CADM2: variants seen among roughly 807,000 people sequenced by gnomAD.
CADM2 encodes the protein cell adhesion molecule 2, also known as immunoglobulin superfamily member 4D.
CADM2 carries 12 observed loss-of-function variants against 49.8 expected under a neutral mutation model. That is an observed-to-expected ratio of 0.24 (90% confidence interval 0.15 to 0.39). The LOEUF is 0.39. Among genes scored for constraint, CADM2 ranks in the 10% least tolerant of loss-of-function variants. The pLI, the probability that CADM2 is intolerant of heterozygous loss-of-function variation, is 1.00. For missense variants in CADM2, 378 were observed against 492.3 expected (o/e 0.77, Z 2.20); for synonymous variants, 214 against 175.4 (o/e 1.22, Z -1.74).
At chr3:85,193,727 A>G (rs2041269217) in intron 1 of CADM2, among the ~76,000 whole-genome samples, 1 of 152,002 alleles carries the variant, frequency 6.6e-6, no homozygotes, top group African/African-American at 2.4e-5. Context: ...TGCAGATTTG[A>G]TCATATTGGG....
In CADM2 at chr3:86,073,122, T is replaced by A. The variant is rs1377127205; in HGVS notation, c.*6339T>A. ...AAAATATTCCCTCAAGAAAGCTCCA[T>A]TTTTATCATAAACATTTCAACATAA... is the stretch of plus-strand genomic sequence containing the variant. On this transcript the variant is annotated 3_prime_UTR_variant, in exon 10 of 10. Transcript: ENST00000383699. 6.6e-6 allele frequency: 1 copy of A among 152,046 alleles called. No homozygotes were observed. Among genetic ancestry groups the A allele is most frequent in the East Asian group, 1.9e-4 (1 of 5,198 alleles). The allele number at this position is 152,046 out of a possible 1,614,324, so 9.4% of individuals were successfully genotyped here. A position where few individuals can be genotyped will look rare whatever the true frequency, so the allele number is the denominator to read the frequency against.
At chr3:85,415,651 T>C (rs970288363) in intron 1 of CADM2, among the ~76,000 whole-genome samples, 1 of 152,160 alleles carries the variant, frequency 6.6e-6, no homozygotes, top group African/African-American at 2.4e-5. Context: ...TTCCTAACAT[T>C]GCACATTTTA....
chr3:85,284,331 A>G (rs989292147), intron 1 of CADM2, among the ~76,000 whole-genome samples: 1 of 152,126 alleles, frequency 6.6e-6, no homozygotes, highest in African/African-American at 2.4e-5. Flanking sequence ...ATTTCCATGG[A>G]TATAGAAAAA....
At chr3:85,073,550 GA>G (rs779250947) in intron 1 of CADM2, among the ~76,000 whole-genome samples, 18 of 152,116 alleles carry the variant, frequency 1.2e-4, no homozygotes, top group Non-Finnish European at 2.5e-4. Flanking sequence ...ATGTCATTCA[GA>G]GAAAAAGACA....
chr3:85,381,160 T>C (rs1158755498), intron 1 of CADM2, among the ~76,000 whole-genome samples: 6 of 151,960 alleles, frequency 3.9e-5, no homozygotes, highest in Non-Finnish European at 1.5e-5. Flanking sequence ...AGAAGTGATA[T>C]AAAGCATGCA....
At chr3:85,799,479 A>T (rs981109448) in intron 2 of CADM2, among the ~76,000 whole-genome samples, 1 of 152,126 alleles carries the variant, frequency 6.6e-6, no homozygotes, top group African/African-American at 2.4e-5. Flanking sequence ...TTTTAGCATG[A>T]AGGGGTGTTG....
At chr3:85,263,531 A>G (rs777058046) in intron 1 of CADM2, among the ~76,000 whole-genome samples, 9 of 152,112 alleles carry the variant, frequency 5.9e-5, no homozygotes, top group Non-Finnish European at 1.0e-4. Flanking sequence ...AGATTTAAAG[A>G]GGTAATTGTA....
chr3:85,371,206 A>G (rs2033203264), intron 1 of CADM2, among the ~76,000 whole-genome samples: 1 of 152,086 alleles, frequency 6.6e-6, no homozygotes, highest in African/African-American at 2.4e-5. Context: ...AAGTCTACAG[A>G]AGCATACCAT....
chr3:85,917,216 G>A (rs1718467686), intron 6 of CADM2, among the ~76,000 whole-genome samples: 1 of 152,010 alleles, frequency 6.6e-6, no homozygotes, highest in Non-Finnish European at 1.5e-5. Flanking sequence ...CATTGCTTTT[G>A]GTGTTTTAGT....
intron 1 of CADM2, among the ~76,000 whole-genome samples, chr3:85,496,338 T>C (rs2039895604): frequency 1.3e-5 from 2 of 152,210 alleles, no homozygotes; most frequent in Non-Finnish European, 2.9e-5. Context: ...GATAATGGCC[T>C]CTTGCTGCAT....
intron 2 of CADM2, among the ~76,000 whole-genome samples, chr3:85,742,619 G>GAAATATAAT (rs2068443249): frequency 6.6e-6 from 1 of 152,148 alleles, no homozygotes; most frequent in African/African-American, 2.4e-5. Flanking sequence ...GAGAAATCAT[G>GAAATATAAT]AAATATAATT....
At chr3:85,505,727 A>T (rs1362035264) in intron 1 of CADM2, among the ~76,000 whole-genome samples, 2 of 152,214 alleles carry the variant, frequency 1.3e-5, no homozygotes, top group Non-Finnish European at 2.9e-5. Flanking sequence ...CAGGAGTATC[A>T]TAAAGACAAG....
intron 1 of CADM2, among the ~76,000 whole-genome samples, chr3:85,242,853 A>G (rs936249067): frequency 1.3e-5 from 2 of 151,830 alleles, no homozygotes; most frequent in African/African-American, 4.8e-5. Context: ...TGGAATTTAT[A>G]ATTACAACTC....
chr3:85,934,418 T>C (rs2108535509), intron 6 of CADM2, among the ~76,000 whole-genome samples: 1 of 152,160 alleles, frequency 6.6e-6, no homozygotes, highest in African/African-American at 2.4e-5. Context: ...TGATATTCAA[T>C]TTTTTTCTTC....
chr3:85,406,124 G>C (rs1242262623), intron 1 of CADM2, among the ~76,000 whole-genome samples: 1 of 151,742 alleles, frequency 6.6e-6, no homozygotes, highest in Non-Finnish European at 1.5e-5. Context: ...CCAACCAATA[G>C]ACAATTTCGT....
intron 1 of CADM2, among the ~76,000 whole-genome samples, chr3:85,382,710 G>T (rs1173573819): frequency 6.6e-6 from 1 of 151,922 alleles, no homozygotes; most frequent in Non-Finnish European, 1.5e-5. Context: ...CTTTTCAAAT[G>T]ATCTTATATT....
intron 1 of CADM2, among the ~76,000 whole-genome samples, chr3:85,290,682 A>C (rs1229606478): frequency 3.3e-5 from 5 of 152,170 alleles, no homozygotes; most frequent in Non-Finnish European, 7.4e-5. Context: ...GGGCAGACTG[A>C]CACCTCACAT....
intron 2 of CADM2, among the ~76,000 whole-genome samples, chr3:85,780,618 G>C (rs1162411953): frequency 2.0e-5 from 3 of 152,030 alleles, no homozygotes; most frequent in Non-Finnish European, 4.4e-5. Flanking sequence ...CATTTTTTCA[G>C]TTAGCAAAGT....
chr3:85,133,815 C>G (rs541401373), intron 1 of CADM2, among the ~76,000 whole-genome samples: 5 of 152,344 alleles, frequency 3.3e-5, no homozygotes, highest in African/African-American at 1.2e-4. Flanking sequence ...GATCCCTCAC[C>G]GGGGCTGCAG....
Sources: gnomAD v4.1 joint callset for allele counts (sites outside exome capture counted in the v4.1 genomes callset) on GRCh38, gnomAD v4.1.1 for gene constraint, MANE v1.5 for transcripts, NCBI Gene and HGNC (gene_info 2026-07-23, HGNC 2026-07-21) for gene names.